ADGRL3: variants seen among roughly 807,000 people sequenced by gnomAD.
The protein encoded by ADGRL3 is calcium-independent alpha-latrotoxin receptor 3.
In ADGRL3, 62 loss-of-function variants were observed where a neutral mutation model predicts 153.5. The ratio of observed to expected loss-of-function variants is 0.40; its 90% CI spans 0.33 to 0.50. The LOEUF is 0.50. ADGRL3 is among the 20% of genes least tolerant of loss of function. ADGRL3 has a pLI of 0.47. For missense variants in ADGRL3, 1,641 were observed against 1,859.4 expected (o/e 0.88, Z 2.16); for synonymous variants, 710 against 672.5 (o/e 1.06, Z -0.86).
At chr4:61,217,243 A>G (rs1743221665) in intron 1 of ADGRL3, among the ~76,000 whole-genome samples, 1 of 152,198 alleles carries the variant, frequency 6.6e-6, no homozygotes, top group Non-Finnish European at 1.5e-5. Flanking sequence ...CAAGTCCAGG[A>G]TGCTTGAGAG....
intron 1 of ADGRL3, among the ~76,000 whole-genome samples, chr4:61,242,000 A>G (rs557875618): frequency 6.6e-6 from 1 of 151,994 alleles, no homozygotes; most frequent in Admixed American, 6.6e-5. Flanking sequence ...TATGGCTTCT[A>G]TCCATCCCTC....
intron 4 of ADGRL3, among the ~76,000 whole-genome samples, chr4:61,550,080 T>C (rs549603367): frequency 6.6e-6 from 1 of 152,132 alleles, no homozygotes; most frequent in East Asian, 1.9e-4. Context: ...TTTTAGTGTA[T>C]AATTTTAATC....
chr4:61,708,701 T>A (rs2095901765), intron 6 of ADGRL3, among the ~76,000 whole-genome samples: 1 of 152,080 alleles, frequency 6.6e-6, no homozygotes. Flanking sequence ...AAGAAGAACA[T>A]GGTATTTTCT....
intron 5 of ADGRL3, among the ~76,000 whole-genome samples, chr4:61,597,666 T>G (rs979723068): frequency 6.6e-6 from 1 of 151,566 alleles, no homozygotes; most frequent in African/African-American, 2.4e-5. Context: ...TTTTGTTTTT[T>G]TTTTTTACTT....
Position 61,631,393 on chromosome 4 carries a change from TAAAG to T in ADGRL3, c.473+43957_473+43960del, listed in dbSNP as rs536815533. On this transcript the variant is annotated intron_variant, in intron 5 of 26. Transcript: ENST00000683033. Reference sequence around the variant, plus strand: ...ATTAATGCCTTTAAAAGTTCTATAATAAAGAAATCCATTTAATATTGATTAACTC... The same window carrying T: ...ATTAATGCCTTTAAAAGTTCTATAATAAATCCATTTAATATTGATTAACTC... Among the ~76,000 whole-genome samples, 5 of 152,348 alleles carry T rather than the reference TAAAG, an allele frequency of 3.3e-5. No homozygotes were observed. The South Asian group carries it at 1.0e-3, about 32-fold the overall frequency.
chr4:61,415,418 A>G (rs186955385), intron 2 of ADGRL3, among the ~76,000 whole-genome samples: 2 of 152,214 alleles, frequency 1.3e-5, no homozygotes, highest in Admixed American at 6.5e-5. Flanking sequence ...AACACAGTGT[A>G]TCCAAAATAA....
At chr4:61,425,297 CT>C (rs1418277774) in intron 2 of ADGRL3, 1 of 152,306 alleles carries the variant, frequency 6.6e-6, no homozygotes, top group Non-Finnish European at 1.5e-5. Flanking sequence ...GCCATGCCCC[CT>C]ATCCAAAGTT....
intron 2 of ADGRL3, among the ~76,000 whole-genome samples, chr4:61,383,555 C>A (rs1192395738): frequency 6.6e-6 from 1 of 151,454 alleles, no homozygotes; most frequent in Non-Finnish European, 1.5e-5. Flanking sequence ...TGTAGAATAA[C>A]CATATTGAGT....
chr4:61,434,355 T>C (rs1473262782), intron 2 of ADGRL3, among the ~76,000 whole-genome samples: 1 of 152,086 alleles, frequency 6.6e-6, no homozygotes, highest in Non-Finnish European at 1.5e-5. Context: ...GATGAACGCT[T>C]TCTGGAATTT....
At chr4:61,766,941 TGGG>T (rs1363830485) in intron 8 of ADGRL3, among the ~76,000 whole-genome samples, 1 of 151,806 alleles carries the variant, frequency 6.6e-6, no homozygotes, top group Non-Finnish European at 1.5e-5. Flanking sequence ...ACAGGTAAAA[TGGG>T]GGAATTGTAA....
intron 1 of ADGRL3, among the ~76,000 whole-genome samples, chr4:61,374,485 T>C (rs963796140): frequency 4.3e-4 from 66 of 152,218 alleles, no homozygotes; most frequent in African/African-American, 1.5e-3. Flanking sequence ...TTCCAGATGT[T>C]GGAGTCTCAG....
intron 4 of ADGRL3, among the ~76,000 whole-genome samples, chr4:61,584,089 T>G (rs1238663857): frequency 3.9e-5 from 6 of 152,032 alleles, no homozygotes; most frequent in African/African-American, 1.4e-4. Context: ...AACCTTTTTT[T>G]TTCCTTTGGA....
chr4:61,768,249 G>C (rs1221790772), intron 8 of ADGRL3, among the ~76,000 whole-genome samples: 1 of 152,148 alleles, frequency 6.6e-6, no homozygotes, highest in Non-Finnish European at 1.5e-5. Flanking sequence ...CTGTAAGCCA[G>C]ACCAGGTGTG....
chr4:61,668,272 A>G (rs1418141094), intron 5 of ADGRL3, among the ~76,000 whole-genome samples: 2 of 152,248 alleles, frequency 1.3e-5, no homozygotes, highest in African/African-American at 2.4e-5. Flanking sequence ...ATGAGGGCAC[A>G]GCCTCTAGAG....
At chr4:61,232,261 ATTTTC>A (rs1001100119) in intron 1 of ADGRL3, among the ~76,000 whole-genome samples, 11 of 151,790 alleles carry the variant, frequency 7.2e-5, no homozygotes, top group African/African-American at 2.7e-4. Context: ...TTTGGAGCTC[ATTTTC>A]TTAAGTTTGA....
chr4:61,384,788 G>A lies in ADGRL3; in HGVS notation c.-174+1599G>A, dbSNP rs577831782. ...TAACGATTCATGTTACAACAAGGGT[G>A]AAACTTGCAAACATTATACTAACTG... is the stretch of plus-strand genomic sequence containing the variant. On this transcript the variant is annotated intron_variant, in intron 2 of 26. Transcript: ENST00000683033. Among the ~76,000 whole-genome samples, 7 of 152,042 alleles carry A rather than the reference G, an allele frequency of 4.6e-5. No homozygotes were observed. The South Asian group carries it at 1.2e-3, about 27-fold the overall frequency.
At chr4:61,747,974 A>C (rs2096692558) in intron 8 of ADGRL3, among the ~76,000 whole-genome samples, 1 of 152,134 alleles carries the variant, frequency 6.6e-6, no homozygotes, top group African/African-American at 2.4e-5. Context: ...GTCTCAGCCC[A>C]AAATCTCCTT....
chr4:61,962,073 T>C (rs1337644184), intron 17 of ADGRL3, among the ~76,000 whole-genome samples: 2 of 152,012 alleles, frequency 1.3e-5, no homozygotes, highest in Non-Finnish European at 2.9e-5. Context: ...ACCCCGTCTC[T>C]ACTAAAATAC....
rs539474300 is a variant in ADGRL3 at position 61,280,021 on chromosome 4, A to G, written c.-240+78256A>G. Among the ~76,000 whole-genome samples, 41 of 152,174 alleles carry G rather than the reference A, an allele frequency of 2.7e-4. No individual in the cohort carries two copies. In the South Asian group the frequency reaches 8.1e-3, roughly 30 times the overall value. On this transcript the variant is annotated intron_variant, in intron 1 of 26. Coordinates refer to ENST00000683033, the MANE Select transcript of ADGRL3 (RefSeq NM_001387552.1). ...TGTTGTGGTACCTTCATCCCAGAAA[A>G]GGTTGACACTAATAGAGGAGATACA... is the stretch of plus-strand genomic sequence containing the variant.
Sources: allele counts gnomAD v4.1 joint callset (sites outside exome capture counted in the v4.1 genomes callset), GRCh38; gene constraint gnomAD v4.1.1; transcripts MANE v1.5; gene names NCBI Gene and HGNC (gene_info 2026-07-23, HGNC 2026-07-21).